The following GALNT17 variants were observed in gnomAD, a reference collection of about 807,000 sequenced individuals.
GALNT17 encodes UDP-GalNAc:polypeptide N-acetylgalactosaminyltransferase-like 3.
GALNT17 carries 29 observed loss-of-function variants against 63.7 expected under a neutral mutation model. The ratio of observed to expected loss-of-function variants is 0.46; its 90% CI spans 0.34 to 0.62. GALNT17 has a LOEUF of 0.62. Ranked by LOEUF, GALNT17 falls within the 20% of genes least tolerant of loss-of-function variation. The pLI, the probability that GALNT17 is intolerant of heterozygous loss-of-function variation, is 0.01. For synonymous variants in GALNT17, 305 were observed against 318.3 expected (o/e 0.96, Z 0.45); for missense variants, 603 against 799.6 (o/e 0.75, Z 2.97).
intron 5 of GALNT17, among the ~76,000 whole-genome samples, chr7:71,563,966 C>T (rs1472359423): frequency 6.6e-6 from 1 of 152,158 alleles, no homozygotes; most frequent in East Asian, 1.9e-4. Context: ...CTAAAGCGAT[C>T]CTCCTGTCTC....
intron 1 of GALNT17, among the ~76,000 whole-genome samples, chr7:71,144,344 G>A (rs577417868): frequency 1.2e-4 from 19 of 152,184 alleles, no homozygotes; most frequent in Non-Finnish European, 2.1e-4. Flanking sequence ...CTTGGCAGGC[G>A]TTGGTGCCAT....
intron 6 of GALNT17, among the ~76,000 whole-genome samples, chr7:71,651,790 C>G (rs1790758173): frequency 6.6e-6 from 1 of 152,208 alleles, no homozygotes; most frequent in African/African-American, 2.4e-5. Flanking sequence ...TAGCTCACTG[C>G]AGCTTCAGTC....
intron 5 of GALNT17, among the ~76,000 whole-genome samples, chr7:71,491,686 G>A (rs1190898288): frequency 6.6e-6 from 1 of 152,216 alleles, no homozygotes. Flanking sequence ...GAGCATTGGA[G>A]TGACCTGGGG....
chr7:71,281,164 A>G lies in GALNT17; in HGVS notation c.239-54386A>G, dbSNP rs180903304. ...AAGCGGGCCCAGTTGAAATAAACAC[A>G]GTGTTATTCAACAATGTTAAGTACC... is the stretch of plus-strand genomic sequence containing the variant. On this transcript the variant is annotated intron_variant, in intron 1 of 10. Coordinates refer to ENST00000333538, the MANE Select transcript of GALNT17 (RefSeq NM_022479.3). 4.6e-5 allele frequency among the ~76,000 whole-genome samples: 7 copies of G among 152,256 alleles called. No individual in the cohort carries two copies. In the East Asian group the frequency reaches 1.2e-3, roughly 25 times the overall value.
intron 5 of GALNT17, among the ~76,000 whole-genome samples, chr7:71,448,379 G>A (rs1563100521): frequency 6.6e-6 from 1 of 151,740 alleles, no homozygotes; most frequent in Non-Finnish European, 1.5e-5. Context: ...GTGTGTGTGT[G>A]GTCTCTATTT....
chr7:71,148,860 T>TATATATATATATATATATATATATATA (rs1554333242), intron 1 of GALNT17, among the ~76,000 whole-genome samples: 4 of 103,268 alleles, frequency 3.9e-5, no homozygotes, highest in Admixed American at 1.1e-4. Flanking sequence ...TATGGTATTT[T>TATATATATATATATATATATATATATA]TATATATATA....
Position 71,611,488 on chromosome 7 carries a change from C to T in GALNT17, c.1080+40086C>T, listed in dbSNP as rs1584088865. Among the ~76,000 whole-genome samples, 3 of 152,184 alleles carry T rather than the reference C, an allele frequency of 2.0e-5. No homozygotes were observed. The East Asian group carries it at 5.8e-4, about 29-fold the overall frequency. On this transcript the variant is annotated intron_variant, in intron 6 of 10. Transcript: ENST00000333538. ...AGTTGCTTTGTCTTCTTCCCAATAG[C>T]TTATACGCTTCTGTGCCCTGACCCA... is the stretch of plus-strand genomic sequence containing the variant.
intron 1 of GALNT17, among the ~76,000 whole-genome samples, chr7:71,183,110 T>C (rs76718322): frequency 0.021 from 3,213 of 152,228 alleles, 80 homozygotes; most frequent in African/African-American, 0.063. Context: ...GCTTTTTCAA[T>C]GGAGCATCAG....
intron 6 of GALNT17, among the ~76,000 whole-genome samples, chr7:71,647,751 A>T (rs535936520): frequency 9.5e-4 from 144 of 152,276 alleles, no homozygotes; most frequent in Non-Finnish European, 1.9e-3. Context: ...GCCTCTGTGA[A>T]CCCACTGACA....
chr7:71,552,688 C>A (rs931980924), intron 5 of GALNT17, among the ~76,000 whole-genome samples: 1 of 151,996 alleles, frequency 6.6e-6, no homozygotes, highest in African/African-American at 2.4e-5. Flanking sequence ...GTGATCCGTC[C>A]GCCTCGGCCT....
intron 5 of GALNT17, among the ~76,000 whole-genome samples, chr7:71,563,434 T>G (rs1789288400): frequency 6.6e-6 from 1 of 152,286 alleles, no homozygotes; most frequent in East Asian, 1.9e-4. Context: ...GGGTGGTAGC[T>G]TCCTGTTGGA....
intron 1 of GALNT17, among the ~76,000 whole-genome samples, chr7:71,223,182 A>G (rs186011769): frequency 3.3e-5 from 5 of 152,244 alleles, no homozygotes; most frequent in Admixed American, 2.6e-4. Flanking sequence ...CTATGCAAAT[A>G]TCTAATTTTT....
chr7:71,224,590 T>C (rs1384935903), intron 1 of GALNT17, among the ~76,000 whole-genome samples: 1 of 152,180 alleles, frequency 6.6e-6, no homozygotes, highest in Non-Finnish European at 1.5e-5. Flanking sequence ...ATATCCGTCC[T>C]GGTCAAAGCC....
At chr7:71,165,037 C>T (rs910504688) in intron 1 of GALNT17, among the ~76,000 whole-genome samples, 1 of 152,118 alleles carries the variant, frequency 6.6e-6, no homozygotes, top group African/African-American at 2.4e-5. Context: ...TTACATCTTT[C>T]TATTAGGGGA....
At chr7:71,155,219 T>C (rs1257714431) in intron 1 of GALNT17, among the ~76,000 whole-genome samples, 1 of 151,796 alleles carries the variant, frequency 6.6e-6, no homozygotes, top group African/African-American at 2.4e-5. Context: ...GTTCCTTATA[T>C]TGTGCTGTTC....
At chr7:71,292,082 A>G (rs1383974048) in intron 1 of GALNT17, among the ~76,000 whole-genome samples, 1 of 152,228 alleles carries the variant, frequency 6.6e-6, no homozygotes, top group Admixed American at 6.5e-5. Flanking sequence ...AAGCTAGTTT[A>G]TAACTGTAGA....
At chr7:71,702,629 T>G (rs1791668282) in intron 9 of GALNT17, among the ~76,000 whole-genome samples, 1 of 152,168 alleles carries the variant, frequency 6.6e-6, no homozygotes, top group Non-Finnish European at 1.5e-5. Flanking sequence ...TAATATAGTA[T>G]TTTAAAAGCA....
chr7:71,281,337 T>C (rs918050083), intron 1 of GALNT17, among the ~76,000 whole-genome samples: 4 of 152,162 alleles, frequency 2.6e-5, no homozygotes, highest in African/African-American at 9.7e-5. Flanking sequence ...TGAGACTGTT[T>C]CTATAATTTT....
chr7:71,216,593 CAT>C lies in GALNT17; in HGVS notation c.238+83556_238+83557del, dbSNP rs542421096. 8.1e-3 allele frequency among the ~76,000 whole-genome samples: 1,204 copies of C among 148,874 alleles called. 8 individuals are homozygous for C. The highest frequency in any genetic ancestry group is 0.059 in the Middle Eastern group (17 of 290). ...ACACACACACAAATACACACACATA[CAT>C]ATCTACACACATACACACAGACACA... On this transcript the variant is annotated intron_variant, in intron 1 of 10. Coordinates refer to ENST00000333538, the MANE Select transcript of GALNT17 (RefSeq NM_022479.3).
Sources: gnomAD v4.1 joint callset for allele counts (sites outside exome capture counted in the v4.1 genomes callset) on GRCh38, gnomAD v4.1.1 for gene constraint, MANE v1.5 for transcripts, NCBI Gene and HGNC (gene_info 2026-07-23, HGNC 2026-07-21) for gene names.